FBXL7: variants seen among roughly 807,000 people sequenced by gnomAD.
FBXL7 encodes F-box and leucine rich repeat protein 7.
Under a neutral mutation model 38.3 loss-of-function variants are expected in FBXL7, and 12 were observed. The ratio of observed to expected loss-of-function variants is 0.31; its 90% CI spans 0.20 to 0.51. FBXL7 has a LOEUF of 0.51. Ranked by LOEUF, FBXL7 falls within the 20% of genes least tolerant of loss-of-function variation. The pLI is 0.98. For missense variants in FBXL7, 567 were observed against 676.4 expected (o/e 0.84, Z 1.79); for synonymous variants, 297 against 300.9 (o/e 0.99, Z 0.13).
At chr5:15,730,216 T>G (rs1735545676) in intron 2 of FBXL7, among the ~76,000 whole-genome samples, 1 of 152,176 alleles carries the variant, frequency 6.6e-6, no homozygotes, top group African/African-American at 2.4e-5. Flanking sequence ...GACAGAAATT[T>G]GGAAGAAATT....
intron 2 of FBXL7, among the ~76,000 whole-genome samples, chr5:15,878,766 C>T (rs926070342): frequency 3.3e-5 from 5 of 152,158 alleles, no homozygotes; most frequent in African/African-American, 1.2e-4. Flanking sequence ...CCATACACTA[C>T]ATTTTGGAGG....
chr5:15,840,710 G>A (rs551773566), intron 2 of FBXL7, among the ~76,000 whole-genome samples: 114 of 152,032 alleles, frequency 7.5e-4, no homozygotes, highest in African/African-American at 2.2e-3. Context: ...AGCTGGGCAC[G>A]GTGGCACGCG....
intron 2 of FBXL7, among the ~76,000 whole-genome samples, chr5:15,920,144 C>T (rs147982307): frequency 0.045 from 6,874 of 152,120 alleles, 186 homozygotes; most frequent in Non-Finnish European, 0.051. Context: ...GTAATCCCAG[C>T]GACTCAGGAG....
chr5:15,755,815 T>TA (rs1464254239), intron 2 of FBXL7, among the ~76,000 whole-genome samples: 1 of 152,146 alleles, frequency 6.6e-6, no homozygotes, highest in East Asian at 1.9e-4. Context: ...CAGAATGCTG[T>TA]AAAATAACCT....
chr5:15,710,080 C>A (rs1743815877), intron 2 of FBXL7, among the ~76,000 whole-genome samples: 1 of 152,102 alleles, frequency 6.6e-6, no homozygotes, highest in Non-Finnish European at 1.5e-5. Context: ...ACTCTTGTCC[C>A]TTTTAGCCTT....
intron 2 of FBXL7, among the ~76,000 whole-genome samples, chr5:15,680,269 G>C: frequency 6.6e-6 from 1 of 152,070 alleles, no homozygotes; most frequent in East Asian, 1.9e-4. Flanking sequence ...AACCTCACTG[G>C]GAATTTTTGG....
chr5:15,757,149 T>G (rs1278521883), intron 2 of FBXL7, among the ~76,000 whole-genome samples: 1 of 152,174 alleles, frequency 6.6e-6, no homozygotes, highest in African/African-American at 2.4e-5. Context: ...ATAGCTGCCT[T>G]GTCATTTCAA....
chr5:15,799,319 G>A (rs1488637381), intron 2 of FBXL7, among the ~76,000 whole-genome samples: 1 of 144,504 alleles, frequency 6.9e-6, no homozygotes, highest in East Asian at 2.1e-4. Context: ...TGGAACAGCT[G>A]TAAAAGATCT....
At chr5:15,629,271 A>G (rs1382649145) in intron 2 of FBXL7, among the ~76,000 whole-genome samples, 4 of 152,052 alleles carry the variant, frequency 2.6e-5, no homozygotes, top group African/African-American at 9.7e-5. Flanking sequence ...TCAGATCCAT[A>G]CTCAGAAGAA....
At chr5:15,503,972 A>C (rs745728926) in intron 1 of FBXL7, among the ~76,000 whole-genome samples, 26 of 152,250 alleles carry the variant, frequency 1.7e-4, no homozygotes, top group Admixed American at 3.3e-4. Context: ...GTTATTCACG[A>C]GGCTTACCTT....
At chr5:15,763,342 A>G (rs1183848589) in intron 2 of FBXL7, among the ~76,000 whole-genome samples, 1 of 152,228 alleles carries the variant, frequency 6.6e-6, no homozygotes, top group Non-Finnish European at 1.5e-5. Flanking sequence ...TATATGGTAG[A>G]CGTGATAAAG....
chr5:15,925,944 G>A (rs577892205), intron 2 of FBXL7, among the ~76,000 whole-genome samples: 2 of 152,264 alleles, frequency 1.3e-5, no homozygotes, highest in South Asian at 2.1e-4. Flanking sequence ...AATAAGTCAC[G>A]TGAGATATTC....
chr5:15,631,273 A>G (rs1740988547), intron 2 of FBXL7, among the ~76,000 whole-genome samples: 1 of 152,258 alleles, frequency 6.6e-6, no homozygotes, highest in Non-Finnish European at 1.5e-5. Context: ...GTTGAATTAT[A>G]TGTATATGTT....
intron 1 of FBXL7, among the ~76,000 whole-genome samples, chr5:15,602,982 C>T (rs1739851809): frequency 6.6e-6 from 1 of 152,100 alleles, no homozygotes; most frequent in Non-Finnish European, 1.5e-5. Flanking sequence ...TACAGGTGCA[C>T]ACCGTCACAA....
chr5:15,502,248 T>G (rs1483478674), intron 1 of FBXL7, among the ~76,000 whole-genome samples: 1 of 151,920 alleles, frequency 6.6e-6, no homozygotes, highest in Non-Finnish European at 1.5e-5. Context: ...AACAATCCCC[T>G]GCCCCCACCC....
intron 1 of FBXL7, among the ~76,000 whole-genome samples, chr5:15,609,340 G>C (rs74543095): frequency 2.6e-5 from 4 of 152,318 alleles, no homozygotes; most frequent in South Asian, 2.1e-4. Context: ...CATTTAAGGG[G>C]AGGGAAATGA....
intron 2 of FBXL7, among the ~76,000 whole-genome samples, chr5:15,858,167 A>G (rs1739326356): frequency 6.6e-6 from 1 of 151,370 alleles, no homozygotes; most frequent in South Asian, 2.1e-4. Context: ...ACTATTAGAG[A>G]TGGAAAAAAC....
chr5:15,745,459 A>C (rs1735990626), intron 2 of FBXL7, among the ~76,000 whole-genome samples: 2 of 152,202 alleles, frequency 1.3e-5, no homozygotes, highest in Admixed American at 1.3e-4. Context: ...GGGAGAGGAG[A>C]GGCAATAAAC....
chr5:15,928,858 G>A lies in FBXL7; in HGVS notation c.739+357G>A, dbSNP rs1367366611. Among the ~76,000 whole-genome samples the A allele has an allele frequency of 1.3e-5, 2 of 152,164 alleles. No individual in the cohort carries two copies. The highest frequency in any genetic ancestry group is 4.8e-5 in the African/African-American group (2 of 41,436). On this transcript the variant is annotated intron_variant, in intron 3 of 3. Transcript: ENST00000504595. This position sits in a 1 kb window ranked among gnomAD's most constrained non-coding sequence, Gnocchi z 4.0. Reference sequence around the variant, plus strand: ...AGGTGTATCTCCACTTCTTACGGGAGTTCTTAGGGGAATTCTGGCACATTT... The same window carrying A: ...AGGTGTATCTCCACTTCTTACGGGAATTCTTAGGGGAATTCTGGCACATTT...
Sources: gnomAD v4.1 joint callset for allele counts (sites outside exome capture counted in the v4.1 genomes callset) on GRCh38, gnomAD v4.1.1 for gene constraint, Gnocchi (gnomAD v3.1) non-coding constraint, MANE v1.5 for transcripts, NCBI Gene and HGNC (gene_info 2026-07-23, HGNC 2026-07-21) for gene names.